Variants in CEMIP2 observed in about 807,000 individuals in gnomAD.
CEMIP2 encodes the protein cell migration inducing hyaluronidase 2.
CEMIP2 carries 79 observed loss-of-function variants against 146.9 expected under a neutral mutation model. The observed-to-expected ratio is 0.54, with a 90% CI of 0.45 to 0.65. CEMIP2 has a LOEUF of 0.65. Ranked by LOEUF, CEMIP2 falls within the 30% of genes least tolerant of loss-of-function variation. CEMIP2 has a pLI of 0.00. For synonymous variants in CEMIP2, 601 were observed against 606.3 expected (o/e 0.99, Z 0.13); for missense variants, 1,596 against 1,696.2 (o/e 0.94, Z 1.04).
At chr9:71,733,051 A>G (rs773853786) in intron 6 of CEMIP2, among the ~76,000 whole-genome samples, 2 of 152,114 alleles carry the variant, frequency 1.3e-5, no homozygotes, top group African/African-American at 2.4e-5. Context: ...CTCCTCCCCT[A>G]GGGCATATGA....
At chr9:71,689,129 G>A (rs985141120) in intron 22 of CEMIP2, among the ~76,000 whole-genome samples, 5 of 152,076 alleles carry the variant, frequency 3.3e-5, no homozygotes, top group Admixed American at 2.0e-4. Flanking sequence ...TTCAACATTA[G>A]GAAAAATCTT....
chr9:71,737,407 CAAA>C (rs1206435582), intron 5 of CEMIP2, among the ~76,000 whole-genome samples: 2 of 87,582 alleles, frequency 2.3e-5, no homozygotes, highest in African/African-American at 8.5e-5. Context: ...GACTCCGTCT[CAAA>C]AAAAAAAAAA....
chr9:71,756,257 T>TAG (rs56233516), intron 1 of CEMIP2, among the ~76,000 whole-genome samples: 6,093 of 142,680 alleles, frequency 0.043, 274 homozygotes, highest in South Asian at 0.15. Context: ...TATATATATA[T>TAG]GTATATATAC....
chr9:71,712,263 G>A lies in CEMIP2; in HGVS notation c.2592-3C>T. ...GAAAGCCTCTAATTGGGAACGTCCT[G>A]TGGAAATACAAGATTTTGTTTAATG... On this transcript the variant is annotated splice_polypyrimidine_tract_variant and splice_region_variant and intron_variant, in intron 15 of 23. Coordinates refer to ENST00000377044, the MANE Select transcript of CEMIP2 (RefSeq NM_013390.3). 6.2e-7 allele frequency: 1 copy of A among 1,613,400 alleles called. No individual in the cohort carries two copies. The highest frequency in any genetic ancestry group is 8.5e-7 in the Non-Finnish European group (1 of 1,179,722).
chr9:71,753,547 C>T (rs1824321619), intron 1 of CEMIP2, among the ~76,000 whole-genome samples: 1 of 152,132 alleles, frequency 6.6e-6, no homozygotes, highest in Admixed American at 6.5e-5. Flanking sequence ...GAATCCATTA[C>T]CTCTACTTTA....
intron 1 of CEMIP2, among the ~76,000 whole-genome samples, chr9:71,759,297 C>T (rs1797639899): frequency 1.3e-5 from 2 of 151,306 alleles, no homozygotes; most frequent in South Asian, 4.3e-4. Flanking sequence ...CAGATTATCT[C>T]CTTCCTTAAA....
intron 10 of CEMIP2, among the ~76,000 whole-genome samples, chr9:71,728,260 C>T (rs1289464061): frequency 6.5e-4 from 4 of 6,146 alleles, no homozygotes; most frequent in Non-Finnish European, 9.0e-4. Flanking sequence ...TGTATATACA[C>T]GTATATATAT....
intron 18 of CEMIP2, among the ~76,000 whole-genome samples, chr9:71,701,846 T>C (rs1822570948): frequency 6.6e-6 from 1 of 152,240 alleles, no homozygotes; most frequent in Admixed American, 6.5e-5. Context: ...TAATAATTTT[T>C]AGCCATATGG....
intron 18 of CEMIP2, among the ~76,000 whole-genome samples, chr9:71,703,817 T>C (rs1822646048): frequency 6.6e-6 from 1 of 152,182 alleles, no homozygotes; most frequent in South Asian, 2.1e-4. Context: ...CTTTTATTAA[T>C]ATAACAAGAC....
chr9:71,753,136 T>G (rs1291083262), intron 1 of CEMIP2, among the ~76,000 whole-genome samples: 3 of 152,172 alleles, frequency 2.0e-5, no homozygotes, highest in African/African-American at 7.2e-5. Context: ...ACGTAGGTAT[T>G]CTTGAGTGTC....
intron 15 of CEMIP2, 109 bp downstream of exon 15, chr9:71,714,825 G>A (rs1215436225): frequency 4.5e-6 from 5 of 1,102,518 alleles, no homozygotes; most frequent in Non-Finnish European, 6.3e-6. Context: ...TAGGAAAAGA[G>A]TCTCATGGTA....
At position 71,749,814 on chromosome 9, in the gene CEMIP2, C is replaced by T. The variant is rs533353469; in HGVS notation, c.331+229G>A. Among the ~76,000 whole-genome samples the T allele has an allele frequency of 4.6e-5, 7 of 152,292 alleles. No homozygotes were observed. The East Asian group carries it at 5.8e-4, about 13-fold the overall frequency. On this transcript the variant is annotated intron_variant, in intron 2 of 23. Transcript: ENST00000377044. ...TCCAAAAGAGGTACTCCAAGACCTCCCTGAGTGCTGCAACAAAGTGGCACA... is the reference window on the plus strand; with the variant it reads ...TCCAAAAGAGGTACTCCAAGACCTCTCTGAGTGCTGCAACAAAGTGGCACA...
chr9:71,721,265 G>A (rs146172638), intron 12 of CEMIP2, among the ~76,000 whole-genome samples: 126 of 152,100 alleles, frequency 8.3e-4, no homozygotes, highest in African/African-American at 2.6e-3. Context: ...TAACCTTCTA[G>A]ATAGAATTCT....
At chr9:71,736,486 T>A (rs993071194) in intron 5 of CEMIP2, among the ~76,000 whole-genome samples, 1 of 152,224 alleles carries the variant, frequency 6.6e-6, no homozygotes, top group African/African-American at 2.4e-5. Flanking sequence ...TGAGGTCACA[T>A]GATGGTGCCC....
rs548995214 is a variant in CEMIP2 at position 71,695,358 on chromosome 9, C to T, written c.3598-751G>A. On this transcript the variant is annotated intron_variant, in intron 20 of 23. Coordinates refer to ENST00000377044, the MANE Select transcript of CEMIP2 (RefSeq NM_013390.3). Reference sequence around the variant, plus strand: ...TTAGAGGTACACTGTCCATATAAACCAATGTTAAAAACTTCCCTGCAAGAA... The same window carrying T: ...TTAGAGGTACACTGTCCATATAAACTAATGTTAAAAACTTCCCTGCAAGAA... Among the ~76,000 whole-genome samples the T allele has an allele frequency of 5.3e-5, 8 of 152,224 alleles. No homozygotes were observed. In the South Asian group the frequency reaches 1.7e-3, roughly 32 times the overall value.
intron 5 of CEMIP2, among the ~76,000 whole-genome samples, chr9:71,737,925 A>G (rs775496460): frequency 3.3e-5 from 5 of 152,178 alleles, no homozygotes; most frequent in Non-Finnish European, 7.3e-5. Context: ...CATAATACCC[A>G]TTCATCAAAA....
intron 14 of CEMIP2, among the ~76,000 whole-genome samples, chr9:71,715,650 T>TATATATATATAC (rs1823034973): frequency 1.6e-4 from 8 of 49,386 alleles, no homozygotes; most frequent in Non-Finnish European, 5.8e-4. Context: ...ATATATATAC[T>TATATATATATAC]TTTTTTTTTT....
intron 12 of CEMIP2, 48 bp downstream of exon 12, chr9:71,722,379 G>T: frequency 1.4e-6 from 2 of 1,446,054 alleles, no homozygotes; most frequent in African/African-American, 1.4e-5. Flanking sequence ...AGAAAGTTTT[G>T]CTTTGGCAAA....
chr9:71,730,440 G>A (rs1823583428), intron 8 of CEMIP2, among the ~76,000 whole-genome samples, 187 bp from the exon 9 acceptor site: 1 of 150,854 alleles, frequency 6.6e-6, no homozygotes, highest in South Asian at 2.1e-4. Context: ...GGTCCCACAG[G>A]GGAAAAAAAT....
Sources: gnomAD v4.1 joint callset for allele counts (sites outside exome capture counted in the v4.1 genomes callset) on GRCh38, gnomAD v4.1.1 for gene constraint, MANE v1.5 for transcripts, NCBI Gene and HGNC (gene_info 2026-07-23, HGNC 2026-07-21) for gene names.